INPP5A: variants seen among roughly 807,000 people sequenced by gnomAD.
INPP5A encodes 43 kDa inositol polyphosphate 5-phophatase.
A neutral mutation model predicts 65.2 loss-of-function variants in INPP5A; 14 were observed. The observed-to-expected ratio is 0.21, with a 90% CI of 0.14 to 0.34. The LOEUF is 0.34. INPP5A is among the 10% of genes least tolerant of loss of function. INPP5A has a pLI of 1.00. For synonymous variants in INPP5A, 207 were observed against 208.3 expected (o/e 0.99, Z 0.05); for missense variants, 431 against 545.6 (o/e 0.79, Z 2.09).
Position 132,549,688 on chromosome 10 carries a change from G to A in INPP5A, c.75+11517G>A, listed in dbSNP as rs1292221699. On this transcript the variant is annotated intron_variant, in intron 1 of 15. Transcript: ENST00000368594. This position sits in a 1 kb window ranked among gnomAD's most constrained non-coding sequence, Gnocchi z 4.9. ...CGTGTCCTGGAGCTCTGCAGCTGCAGGGCGGGAGCCGGGGCTTCCGTGAGG... is the reference window on the plus strand; with the variant it reads ...CGTGTCCTGGAGCTCTGCAGCTGCAAGGCGGGAGCCGGGGCTTCCGTGAGG... Among the ~76,000 whole-genome samples the A allele has an allele frequency of 6.6e-6, 1 of 152,238 alleles. No homozygotes were observed. Among genetic ancestry groups the A allele is most frequent in the Non-Finnish European group, 1.5e-5 (1 of 68,040 alleles).
At chr10:132,763,964 G>A (rs989982385) in intron 11 of INPP5A, among the ~76,000 whole-genome samples, 11 of 152,268 alleles carry the variant, frequency 7.2e-5, no homozygotes, top group East Asian at 1.9e-4. Context: ...AGGGGCATCC[G>A]TCTCCCGAGG....
intron 6 of INPP5A, among the ~76,000 whole-genome samples, chr10:132,702,546 C>T (rs780295288): frequency 1.3e-5 from 2 of 152,166 alleles, no homozygotes; most frequent in Non-Finnish European, 2.9e-5. Context: ...TGACGGTTAT[C>T]GCAAATTCTA....
intron 9 of INPP5A, among the ~76,000 whole-genome samples, chr10:132,732,996 TC>T (rs1213102992): frequency 6.6e-6 from 1 of 152,076 alleles, no homozygotes; most frequent in African/African-American, 2.4e-5. Flanking sequence ...AACCTGGACA[TC>T]CAAAATCAAG....
intron 1 of INPP5A, among the ~76,000 whole-genome samples, chr10:132,540,610 T>C (rs1165988834): frequency 1.3e-5 from 2 of 152,226 alleles, no homozygotes; most frequent in African/African-American, 4.8e-5. Context: ...GTGTGGTACT[T>C]GTGGGCCAGA....
chr10:132,615,679 T>C (rs75342902), intron 2 of INPP5A, among the ~76,000 whole-genome samples: 3,690 of 152,284 alleles, frequency 0.024, 57 homozygotes, highest in South Asian at 0.039. Flanking sequence ...GGGTAGGAAC[T>C]GGCCCTGCTG....
chr10:132,581,521 C>T (rs1476606494), intron 1 of INPP5A, among the ~76,000 whole-genome samples: 1 of 152,170 alleles, frequency 6.6e-6, no homozygotes, highest in Non-Finnish European at 1.5e-5. Context: ...GCGTGGAGGC[C>T]TTGACTGCTC....
intron 2 of INPP5A, among the ~76,000 whole-genome samples, chr10:132,622,309 A>G (rs1349119910): frequency 1.3e-5 from 2 of 151,200 alleles, no homozygotes; most frequent in East Asian, 3.9e-4. Context: ...CTTGAGAAAT[A>G]TACCGCGTTC....
chr10:132,602,544 C>T (rs999083244), intron 1 of INPP5A, among the ~76,000 whole-genome samples: 1 of 152,192 alleles, frequency 6.6e-6, no homozygotes, highest in African/African-American at 2.4e-5. Context: ...ATCCACCTGC[C>T]TCTGCCTCCC....
chr10:132,662,163 A>G (rs954875037), intron 4 of INPP5A, among the ~76,000 whole-genome samples: 5 of 152,250 alleles, frequency 3.3e-5, no homozygotes, highest in Non-Finnish European at 7.3e-5. Flanking sequence ...GACCGTGGCA[A>G]GCGCTGGGGA....
At chr10:132,751,104 G>A (rs931646475) in intron 11 of INPP5A, among the ~76,000 whole-genome samples, 1 of 152,214 alleles carries the variant, frequency 6.6e-6, no homozygotes, top group African/African-American at 2.4e-5. Context: ...ACTCCAGGAT[G>A]GCATTCGCTG....
At chr10:132,556,488 GGCACACACAT>G (rs1434088370) in intron 1 of INPP5A, among the ~76,000 whole-genome samples, 2 of 152,144 alleles carry the variant, frequency 1.3e-5, no homozygotes, top group Non-Finnish European at 2.9e-5. Flanking sequence ...GCACACCACA[GGCACACACAT>G]GCATGTACAA....
chr10:132,734,930 C>T (rs186972377), intron 9 of INPP5A, among the ~76,000 whole-genome samples: 21 of 152,318 alleles, frequency 1.4e-4, no homozygotes, highest in Admixed American at 1.2e-3. Flanking sequence ...TGGGCTCTGC[C>T]CTTCCTCTTG....
At chr10:132,719,672 T>C (rs1289458498) in intron 8 of INPP5A, among the ~76,000 whole-genome samples, 9 of 149,492 alleles carry the variant, frequency 6.0e-5, no homozygotes, top group African/African-American at 2.2e-4. Flanking sequence ...CTGGGCACCT[T>C]AGACGGCTGT....
chr10:132,775,188 G>GAGGGGCAGGGAGGACGGGCAGGGA, intron 12 of INPP5A, among the ~76,000 whole-genome samples: 1 of 1,750 alleles, frequency 5.7e-4, no homozygotes, highest in Non-Finnish European at 1.1e-3. Context: ...CAGGGAGAGA[G>GAGGGGCAGGGAGGACGGGCAGGGA]GGAGGGGCAG....
chr10:132,713,083 G>A (rs962369788), intron 8 of INPP5A, among the ~76,000 whole-genome samples: 6 of 151,150 alleles, frequency 4.0e-5, no homozygotes, highest in East Asian at 2.0e-4. Context: ...ATGCACGTGG[G>A]TTGGATATGT....
At chr10:132,582,725 G>C (rs559834872) in intron 1 of INPP5A, among the ~76,000 whole-genome samples, 9 of 152,262 alleles carry the variant, frequency 5.9e-5, no homozygotes, top group African/African-American at 2.2e-4. Flanking sequence ...TTCTCCATTG[G>C]ATTGCTTTGG....
intron 8 of INPP5A, among the ~76,000 whole-genome samples, chr10:132,710,701 CAGGT>C (rs1252011024): frequency 1.2e-4 from 16 of 137,216 alleles, no homozygotes; most frequent in Non-Finnish European, 1.1e-4. Context: ...GTGTGGATGG[CAGGT>C]AGGTGTGCTG....
intron 4 of INPP5A, among the ~76,000 whole-genome samples, chr10:132,667,930 C>G (rs1458712932): frequency 6.6e-6 from 1 of 152,202 alleles, no homozygotes; most frequent in Non-Finnish European, 1.5e-5. Context: ...TGCACCAATT[C>G]TCCAGTGATT....
At chr10:132,760,936 A>G (rs1199029432) in intron 11 of INPP5A, among the ~76,000 whole-genome samples, 8 of 152,244 alleles carry the variant, frequency 5.3e-5, no homozygotes, top group Non-Finnish European at 1.2e-4. Flanking sequence ...ACCCACTTTC[A>G]GAGAAAGAAT....
Sources: allele counts gnomAD v4.1 joint callset (sites outside exome capture counted in the v4.1 genomes callset), GRCh38; gene constraint gnomAD v4.1.1; non-coding constraint Gnocchi (gnomAD v3.1); transcripts MANE v1.5; gene names NCBI Gene and HGNC (gene_info 2026-07-23, HGNC 2026-07-21).